ADGRV1: variants seen among roughly 807,000 people sequenced by gnomAD.
ADGRV1 encodes the protein G-protein coupled receptor 98.
A neutral mutation model predicts 596.2 loss-of-function variants in ADGRV1; 359 were observed. The observed-to-expected ratio is 0.60, with a 90% CI of 0.55 to 0.66. The LOEUF (loss-of-function observed/expected upper bound fraction) is 0.66. Ranked by LOEUF, ADGRV1 falls within the 30% of genes least tolerant of loss-of-function variation. The pLI is 0.00. For missense variants in ADGRV1, 7,274 were observed against 7,575.6 expected (o/e 0.96, Z 1.48); for synonymous variants, 2,681 against 2,679.2 (o/e 1.00, Z -0.02).
At chr5:90,590,368 T>A (rs549187438) in intron 1 of ADGRV1, among the ~76,000 whole-genome samples, 50 of 152,246 alleles carry the variant, frequency 3.3e-4, no homozygotes, top group African/African-American at 1.2e-3. Context: ...GTATCTGATG[T>A]CTGAGTTGTG....
Position 90,690,889 on chromosome 5 carries a change from A to C in ADGRV1, c.6799A>C (p.Asn2267His). The C allele has an allele frequency of 6.2e-7, 1 of 1,613,654 alleles. No individual in the cohort carries two copies. Among genetic ancestry groups the C allele is most frequent in the Non-Finnish European group, 8.5e-7 (1 of 1,179,716 alleles). Residue 2267 changes from asparagine to histidine, a missense_variant, in exon 31 of 90, where the codon AAT becomes CAT. Coordinates refer to ENST00000405460, the MANE Select transcript of ADGRV1 (RefSeq NM_032119.4). ...PIIRNSGTLG[N>H]VTVQWVATIN... is the part of the protein sequence containing the mutation. Reference sequence around the variant, plus strand: ...AATTCGAAATTCTGGGACACTCGGCAATGTTACTGTTCAGTGGGTTGCCAC... The same window carrying C: ...AATTCGAAATTCTGGGACACTCGGCCATGTTACTGTTCAGTGGGTTGCCAC...
chr5:90,844,113 C>CA (rs1581293658), intron 78 of ADGRV1, among the ~76,000 whole-genome samples: 1 of 152,010 alleles, frequency 6.6e-6, no homozygotes, highest in East Asian at 1.9e-4. Context: ...GTCTAAAATT[C>CA]AAATAAGGTC....
chr5:91,071,377 C>A (rs1788375585), intron 85 of ADGRV1, among the ~76,000 whole-genome samples: 1 of 152,060 alleles, frequency 6.6e-6, no homozygotes, highest in Admixed American at 6.6e-5. Flanking sequence ...TAGAAAGGAA[C>A]CTGGTACTCT....
chr5:90,966,551 TAGAA>T (rs1182426926), intron 84 of ADGRV1, among the ~76,000 whole-genome samples: 8 of 86,956 alleles, frequency 9.2e-5, no homozygotes, highest in African/African-American at 2.1e-4. Flanking sequence ...AAAAAAAAAA[TAGAA>T]AGAAAGAAAG....
chr5:90,984,442 G>A (rs915176772), intron 84 of ADGRV1, among the ~76,000 whole-genome samples: 2 of 152,080 alleles, frequency 1.3e-5, no homozygotes, highest in Non-Finnish European at 2.9e-5. Flanking sequence ...AGCCAACATA[G>A]CATTTATAGG....
intron 87 of ADGRV1, among the ~76,000 whole-genome samples, chr5:91,123,981 G>A (rs771931896): frequency 2.0e-4 from 30 of 152,182 alleles, no homozygotes; most frequent in Non-Finnish European, 3.5e-4. Flanking sequence ...CCAGGAGAGC[G>A]AAGGGCAGGC....
intron 86 of ADGRV1, among the ~76,000 whole-genome samples, chr5:91,080,292 T>C (rs960885753): frequency 6.6e-6 from 1 of 152,154 alleles, no homozygotes; most frequent in African/African-American, 2.4e-5. Flanking sequence ...AATTTTTACA[T>C]GAAGCCTATT....
At chr5:91,133,459 C>T (rs745918960) in intron 87 of ADGRV1, among the ~76,000 whole-genome samples, 11 of 152,244 alleles carry the variant, frequency 7.2e-5, no homozygotes, top group Admixed American at 4.6e-4. Flanking sequence ...AAGCTACTCA[C>T]TGCTGAAATA....
intron 89 of ADGRV1, among the ~76,000 whole-genome samples, chr5:91,159,311 C>T (rs1372113587): frequency 6.6e-6 from 1 of 152,148 alleles, no homozygotes; most frequent in Admixed American, 6.5e-5. Flanking sequence ...TGTTTGACAG[C>T]TACAAATGAA....
intron 26 of ADGRV1, among the ~76,000 whole-genome samples, 192 bp downstream of exon 26, chr5:90,679,821 A>G (rs1163801942): frequency 6.6e-6 from 1 of 152,160 alleles, no homozygotes; most frequent in Non-Finnish European, 1.5e-5. Context: ...GTAAGGGATC[A>G]AGTCAGAATC....
At chr5:90,706,033 G>A (rs1003783050) in intron 37 of ADGRV1, among the ~76,000 whole-genome samples, 198 bp from the exon 38 acceptor site, 27 of 152,110 alleles carry the variant, frequency 1.8e-4, no homozygotes, top group African/African-American at 5.8e-4. Flanking sequence ...TCTAGAGGCA[G>A]GGAAATATGC....
intron 85 of ADGRV1, among the ~76,000 whole-genome samples, chr5:90,994,805 G>A (rs1436231160): frequency 2.0e-5 from 3 of 152,140 alleles, no homozygotes; most frequent in African/African-American, 7.2e-5. Flanking sequence ...TGACATCTCT[G>A]TTTCATTAAT....
chr5:90,559,035 C>T, intron 1 of ADGRV1, 118 bp downstream of exon 1: 1 of 899,568 alleles, frequency 1.1e-6, no homozygotes, highest in Non-Finnish European at 1.6e-6. Flanking sequence ...CGGGCCACAG[C>T]CGGGCCCAGG....
At chr5:91,136,676 T>A (rs1403125139) in intron 87 of ADGRV1, among the ~76,000 whole-genome samples, 3 of 152,226 alleles carry the variant, frequency 2.0e-5, no homozygotes, top group Non-Finnish European at 4.4e-5. Flanking sequence ...ATGGAAGTAA[T>A]TGGTATTGAA....
At chr5:90,647,901 C>A in intron 17 of ADGRV1, 137 bp downstream of exon 17, 2 of 724,022 alleles carry the variant, frequency 2.8e-6, no homozygotes, top group Non-Finnish European at 2.2e-6. Flanking sequence ...TATTTCATTG[C>A]TTTCTTGAGA....
intron 1 of ADGRV1, among the ~76,000 whole-genome samples, chr5:90,565,327 C>G (rs2151945510): frequency 6.6e-6 from 1 of 152,302 alleles, no homozygotes; most frequent in South Asian, 2.1e-4. Flanking sequence ...AGCTTTTGCT[C>G]TCTATCCCAC....
intron 86 of ADGRV1, among the ~76,000 whole-genome samples, chr5:91,080,523 A>G (rs1581993604): frequency 6.6e-6 from 1 of 151,600 alleles, no homozygotes; most frequent in Non-Finnish European, 1.5e-5. Flanking sequence ...ATTAAATTTT[A>G]AACTTAGAGA....
chr5:90,594,507 A>ATTT (rs1759985180), intron 1 of ADGRV1, among the ~76,000 whole-genome samples: 1 of 97,402 alleles, frequency 1.0e-5, no homozygotes, highest in African/African-American at 3.7e-5. Flanking sequence ...TTTTTTTTTT[A>ATTT]ATCATTCTTG....
intron 83 of ADGRV1, among the ~76,000 whole-genome samples, chr5:90,920,934 CTCTT>C (rs1273964890): frequency 6.6e-6 from 1 of 152,156 alleles, no homozygotes; most frequent in Non-Finnish European, 1.5e-5. Flanking sequence ...TTGTAAAACT[CTCTT>C]TCTTTTCTGC....
Sources: gnomAD v4.1 joint callset for allele counts (sites outside exome capture counted in the v4.1 genomes callset) on GRCh38, gnomAD v4.1.1 for gene constraint, MANE v1.5 for transcripts, NCBI Gene and HGNC (gene_info 2026-07-23, HGNC 2026-07-21) for gene names.